Variants in ASTN2 observed in about 807,000 individuals in gnomAD.
The protein encoded by ASTN2 is astrotactin 2.
A neutral mutation model predicts 139.8 loss-of-function variants in ASTN2; 54 were observed. The observed-to-expected ratio is 0.39, with a 90% CI of 0.31 to 0.48. The LOEUF (loss-of-function observed/expected upper bound fraction) is 0.48, where lower values mean the gene tolerates loss of function less well. Ranked by LOEUF, ASTN2 falls within the 20% of genes least tolerant of loss-of-function variation. The pLI is 0.95. For missense variants in ASTN2, 1,565 were observed against 1,725.1 expected, an observed-to-expected ratio of 0.91 and a Z score of 1.64; for synonymous variants, 756 against 719.5, an observed-to-expected ratio of 1.05 and a Z score of -0.81.
chr9:116,907,379 G>A (rs145096699), intron 10 of ASTN2, among the ~76,000 whole-genome samples: 3 of 152,326 alleles, frequency 2.0e-5, no homozygotes, highest in African/African-American at 4.8e-5. Context: ...GCACATCAGA[G>A]AGTATGAGAC....
chr9:116,965,363 T>C (rs1835985203), intron 10 of ASTN2, among the ~76,000 whole-genome samples: 2 of 152,168 alleles, frequency 1.3e-5, no homozygotes, highest in South Asian at 4.1e-4. Context: ...GGTGACCCTG[T>C]CCCCTAATGA....
At chr9:116,677,131 T>A (rs1010310667) in intron 16 of ASTN2, among the ~76,000 whole-genome samples, 2 of 152,192 alleles carry the variant, frequency 1.3e-5, no homozygotes, top group Non-Finnish European at 2.9e-5. Flanking sequence ...CCTTTATGTT[T>A]TTCTCTTCTT....
chr9:116,710,041 A>G (rs962252530), intron 16 of ASTN2, among the ~76,000 whole-genome samples: 4 of 152,050 alleles, frequency 2.6e-5, no homozygotes, highest in Admixed American at 2.6e-4. Flanking sequence ...TCTTCTACTT[A>G]CTCCCTCTTC....
intron 6 of ASTN2, among the ~76,000 whole-genome samples, chr9:117,035,000 T>A (rs1838343066): frequency 6.6e-6 from 1 of 152,118 alleles, no homozygotes; most frequent in African/African-American, 2.4e-5. Context: ...AAGGGCAGAA[T>A]TCATTTTCTC....
At chr9:116,924,295 T>C (rs979359293) in intron 10 of ASTN2, among the ~76,000 whole-genome samples, 6 of 149,998 alleles carry the variant, frequency 4.0e-5, no homozygotes, top group Non-Finnish European at 7.4e-5. Context: ...CTGAGTGTGG[T>C]GGCACGATCC....
chr9:116,616,957 A>G lies in ASTN2; in HGVS notation c.3355+1367T>C, dbSNP rs117701556. 9.5e-4 allele frequency among the ~76,000 whole-genome samples: 144 copies of G among 152,338 alleles called. 2 individuals carry two copies. In the East Asian group the frequency reaches 0.019, roughly 21 times the overall value. Reference sequence around the variant, plus strand: ...GCAAACACATATGCACTCCATACAGAGTCAAAAGTCAGAATTAACAAAGTT... The same window carrying G: ...GCAAACACATATGCACTCCATACAGGGTCAAAAGTCAGAATTAACAAAGTT... On this transcript the variant is annotated intron_variant, in intron 19 of 22. Transcript: ENST00000313400.
In ASTN2 at chr9:116,634,763, A is replaced by T. The variant is rs192503418; in HGVS notation, c.3073-14320T>A. Among the ~76,000 whole-genome samples, 210 of 152,312 alleles carry T rather than the reference A, an allele frequency of 1.4e-3. 1 individual carries two copies. The highest frequency in any genetic ancestry group is 4.1e-3 in the Admixed American group (62 of 15,288). On this transcript the variant is annotated intron_variant, in intron 17 of 22. Coordinates refer to ENST00000313400, the MANE Select transcript of ASTN2 (RefSeq NM_001365068.1). ...CAATATGGCACTGGAACAAGCTATCAGAGATACTATCTTTGCCTTTGGGGA... is the reference window on the plus strand; with the variant it reads ...CAATATGGCACTGGAACAAGCTATCTGAGATACTATCTTTGCCTTTGGGGA...
chr9:117,043,651 A>C (rs1172292733), intron 5 of ASTN2, among the ~76,000 whole-genome samples: 1 of 152,156 alleles, frequency 6.6e-6, no homozygotes, highest in East Asian at 1.9e-4. Context: ...GCTCACGCCT[A>C]TAATCCCAGC....
chr9:116,884,977 G>A (rs1157473894), intron 10 of ASTN2, among the ~76,000 whole-genome samples: 2 of 151,784 alleles, frequency 1.3e-5, no homozygotes, highest in Non-Finnish European at 2.9e-5. Flanking sequence ...CACTGTGCCC[G>A]GCTAATTTTT....
chr9:117,341,514 C>G (rs2130865313), intron 1 of ASTN2, among the ~76,000 whole-genome samples: 1 of 152,172 alleles, frequency 6.6e-6, no homozygotes, highest in Admixed American at 6.5e-5. Flanking sequence ...AACGATCAAG[C>G]AAAAGACAAT....
intron 2 of ASTN2, among the ~76,000 whole-genome samples, chr9:117,251,332 A>G (rs1445925499): frequency 6.6e-6 from 1 of 152,038 alleles, no homozygotes; most frequent in Non-Finnish European, 1.5e-5. Flanking sequence ...CTTTAAAAAA[A>G]TAGAACCACC....
At chr9:116,915,307 C>T (rs1433403474) in intron 10 of ASTN2, among the ~76,000 whole-genome samples, 1 of 152,196 alleles carries the variant, frequency 6.6e-6, no homozygotes, top group Non-Finnish European at 1.5e-5. Context: ...CACATCAGCA[C>T]AAGGTCTCAA....
chr9:117,406,832 A>C (rs1831005599), intron 1 of ASTN2, among the ~76,000 whole-genome samples: 1 of 149,790 alleles, frequency 6.7e-6, no homozygotes, highest in Admixed American at 6.7e-5. Flanking sequence ...TTATTTACTT[A>C]TTATGTCTGT....
intron 10 of ASTN2, among the ~76,000 whole-genome samples, chr9:116,916,731 T>C (rs1445447021): frequency 1.3e-5 from 2 of 152,054 alleles, no homozygotes; most frequent in Admixed American, 6.5e-5. Flanking sequence ...CCCCAGCTAC[T>C]TGGGAGGCTG....
At chr9:116,581,505 C>A (rs1411987695) in intron 19 of ASTN2, among the ~76,000 whole-genome samples, 3 of 152,202 alleles carry the variant, frequency 2.0e-5, no homozygotes, top group Non-Finnish European at 4.4e-5. Flanking sequence ...AATATATAGA[C>A]ATGCATTGTT....
chr9:116,832,917 T>C (rs1384482307), intron 11 of ASTN2, among the ~76,000 whole-genome samples: 6 of 152,050 alleles, frequency 3.9e-5, no homozygotes, highest in Non-Finnish European at 4.4e-5. Context: ...TCTTTAATTT[T>C]CTGGAAGATT....
intron 1 of ASTN2, among the ~76,000 whole-genome samples, chr9:117,354,762 G>T (rs1399251083): frequency 2.6e-5 from 4 of 152,090 alleles, no homozygotes; most frequent in African/African-American, 4.8e-5. Context: ...CACTGCCATA[G>T]TCTTCCCAAC....
chr9:116,539,328 T>C (rs13283416), intron 19 of ASTN2, among the ~76,000 whole-genome samples: 1 of 151,372 alleles, frequency 6.6e-6, no homozygotes, highest in Non-Finnish European at 1.5e-5. Context: ...ATGGGTGAAG[T>C]TGTATGGTAT....
intron 1 of ASTN2, among the ~76,000 whole-genome samples, chr9:117,309,463 C>T (rs1260319186): frequency 1.3e-5 from 2 of 152,178 alleles, no homozygotes; most frequent in Admixed American, 6.5e-5. Flanking sequence ...TTGCAGAATG[C>T]GCTTTATGGC....
Sources: allele counts gnomAD v4.1 joint callset (sites outside exome capture counted in the v4.1 genomes callset), GRCh38; gene constraint gnomAD v4.1.1; transcripts MANE v1.5; gene names NCBI Gene and HGNC (gene_info 2026-07-23, HGNC 2026-07-21).